The following ATG14 variants were observed in gnomAD, a reference collection of about 807,000 sequenced individuals.
The protein encoded by ATG14 is autophagy related 14.
ATG14 carries 35 observed loss-of-function variants against 60.4 expected under a neutral mutation model. The observed-to-expected ratio is 0.58, with a 90% CI of 0.44 to 0.77. ATG14 has a LOEUF of 0.77. Ranked by LOEUF, ATG14 falls within the 30% of genes least tolerant of loss-of-function variation. ATG14 has a pLI of 0.00. For missense variants in ATG14, 647 were observed against 626.3 expected (o/e 1.03, Z -0.35); for synonymous variants, 234 against 228.8 (o/e 1.02, Z -0.21).
rs899017311 is a variant in ATG14 at position 55,385,825 on chromosome 14, C to T, written c.647+34G>A. 3.3e-6 allele frequency: 5 copies of T among 1,518,882 alleles called. No individual in the cohort carries two copies. In the African/African-American group the frequency reaches 7.0e-5, roughly 21 times the overall value. The allele number at this position is 1,518,882 out of a possible 1,614,324, so 94.1% of individuals were successfully genotyped here. ...CTTTAAAAAGTATTTGGAACTTGATCTATTCCTGGAGTCAAAAGACTTGCT... is the reference window on the plus strand; with the variant it reads ...CTTTAAAAAGTATTTGGAACTTGATTTATTCCTGGAGTCAAAAGACTTGCT... On this transcript the variant is annotated intron_variant, in intron 5 of 9. Transcript: ENST00000247178.
intron 7 of ATG14, among the ~76,000 whole-genome samples, 198 bp from the exon 8 acceptor site, chr14:55,378,272 C>T (rs861717): frequency 1.3e-5 from 2 of 152,212 alleles, no homozygotes; most frequent in Admixed American, 1.3e-4. Flanking sequence ...ATTACAAATG[C>T]ACATACCCTT....
At position 55,385,544 on chromosome 14, in the gene ATG14, C is replaced by T. The variant is rs537879381; in HGVS notation, c.647+315G>A. Among the ~76,000 whole-genome samples, 12 of 152,290 alleles carry T rather than the reference C, an allele frequency of 7.9e-5. No individual in the cohort carries two copies. The East Asian group carries it at 2.1e-3, about 27-fold the overall frequency. The stretch of plus-strand genomic sequence containing the variant: ...CTGACCTCAGGTGATTCGCCTGCCT[C>T]GGCCTCCCAAAGTGCTGGGATTATA... On this transcript the variant is annotated intron_variant, in intron 5 of 9. Coordinates refer to ENST00000247178, the MANE Select transcript of ATG14 (RefSeq NM_014924.5).
intron 9 of ATG14, among the ~76,000 whole-genome samples, chr14:55,375,457 G>A (rs1884899559): frequency 6.6e-6 from 1 of 150,734 alleles, no homozygotes; most frequent in Non-Finnish European, 1.5e-5. Flanking sequence ...ACAGCAGCTG[G>A]GACTACAGGC....
chr14:55,382,495 A>AT lies in ATG14; in HGVS notation c.648-305dup, dbSNP rs912929290. On this transcript the variant is annotated intron_variant, in intron 5 of 9. Transcript: ENST00000247178. The stretch of plus-strand genomic sequence containing the variant: ...CCACCACACCTGGTTAACTTAAAAA[A>AT]TTTTTTTTTGTAGAGATGGGGTCTC... Among the ~76,000 whole-genome samples, 6 of 151,332 alleles carry AT rather than the reference A, an allele frequency of 4.0e-5. No individual in the cohort carries two copies. In the East Asian group the frequency reaches 7.8e-4, roughly 20 times the overall value.
intron 5 of ATG14, among the ~76,000 whole-genome samples, chr14:55,383,691 C>T (rs1885075320): frequency 6.6e-6 from 1 of 151,824 alleles, no homozygotes. Context: ...ACTGCTTGAG[C>T]TCACGAATGG....
At position 55,369,377 on chromosome 14, in the gene ATG14, AC is replaced by A. The variant is rs1884758988; in HGVS notation, c.*241del. The A allele has an allele frequency of 3.0e-6, 1 of 335,766 alleles. No homozygotes were observed. Among genetic ancestry groups the A allele is most frequent in the African/African-American group, 2.1e-5 (1 of 47,640 alleles). 20.8% of individuals were successfully genotyped at this position (335,766 alleles called of 1,614,324 possible). ...ACGCACAGGTCCTCCTTCCACCAGC[AC>A]TGGTCTGGGTAGAAAGACCTTCGAC... On this transcript the variant is annotated 3_prime_UTR_variant, in exon 10 of 10. Transcript: ENST00000247178.
At chr14:55,383,027 G>A (rs978397069) in intron 5 of ATG14, among the ~76,000 whole-genome samples, 5 of 152,130 alleles carry the variant, frequency 3.3e-5, no homozygotes, top group African/African-American at 4.8e-5. Flanking sequence ...AAGTCTTTCT[G>A]TTGTTCTTTC....
At position 55,367,038 on chromosome 14, in the gene ATG14, T is replaced by C. The variant is rs1296347847; in HGVS notation, c.*2581A>G. 1.3e-5 allele frequency: 2 copies of C among 152,656 alleles called. No individual in the cohort carries two copies. The highest frequency in any genetic ancestry group is 4.8e-5 in the African/African-American group (2 of 41,464). 9.5% of individuals were successfully genotyped at this position (152,656 alleles called of 1,614,324 possible). On this transcript the variant is annotated 3_prime_UTR_variant, in exon 10 of 10. Transcript: ENST00000247178. The stretch of plus-strand genomic sequence containing the variant: ...CCCTATGTAAAGTGCCTCTAGTTGA[T>C]ATTAACAACAACAAACAAAATATAT...
In ATG14 at chr14:55,402,748, G is replaced by A. The variant is rs1885417278; in HGVS notation, c.222-5314C>T. ...ATATATCCCACTGTCAGGAATAAAGGTTAAAAATCATTTACAGAAATTAGA... is the reference window on the plus strand; with the variant it reads ...ATATATCCCACTGTCAGGAATAAAGATTAAAAATCATTTACAGAAATTAGA... On this transcript the variant is annotated intron_variant, in intron 1 of 9. Transcript: ENST00000247178. Among the ~76,000 whole-genome samples, 3 of 149,472 alleles carry A rather than the reference G, an allele frequency of 2.0e-5. No homozygotes were observed. The Admixed American group carries it at 2.0e-4, about 10-fold the overall frequency.
intron 1 of ATG14, among the ~76,000 whole-genome samples, chr14:55,406,519 G>A (rs1055548450): frequency 2.0e-5 from 3 of 152,144 alleles, no homozygotes. Flanking sequence ...AGAGTTCAAG[G>A]CCTATTGACA....
At position 55,367,317 on chromosome 14, in the gene ATG14, CGTTAA is replaced by C. The variant is rs1415832190; in HGVS notation, c.*2297_*2301del. 1 of 152,282 alleles carries C rather than the reference CGTTAA, an allele frequency of 6.6e-6. No homozygotes were observed. Among genetic ancestry groups the C allele is most frequent in the East Asian group, 1.9e-4 (1 of 5,186 alleles). 9.4% of individuals were successfully genotyped at this position (152,282 alleles called of 1,614,324 possible). A position where few individuals can be genotyped will look rare whatever the true frequency, so the allele number is the denominator to read the frequency against. ...AGTAGCTAGACAACTCTTACAAGAT[CGTTAA>C]GTTTATTTATCTGTTCAAGTCTACC... On this transcript the variant is annotated 3_prime_UTR_variant, in exon 10 of 10. Transcript: ENST00000247178.
rs373016077 is a variant in ATG14 at position 55,385,918 on chromosome 14, G to T, written c.588C>A (p.Ser196=). The stretch of plus-strand genomic sequence containing the variant: ...TGACAGAGGTGAGCTCTAATATATG[G>T]GATCGTCGAAGATTTGCCAGACGCT... ...HYERLANLRR[S]HILELTSVIF... is the part of the protein sequence containing the mutation. Residue 196 remains serine (S), a synonymous_variant, in exon 5 of 10, where the codon TCC becomes TCA. Coordinates refer to ENST00000247178, the MANE Select transcript of ATG14 (RefSeq NM_014924.5). 1 of 1,613,920 alleles carries T rather than the reference G, an allele frequency of 6.2e-7. No homozygotes were observed. Among genetic ancestry groups the T allele is most frequent in the African/African-American group, 1.3e-5 (1 of 74,880 alleles).
rs115165053 is a variant in ATG14 at position 55,406,877 on chromosome 14, T to C, written c.221+4725A>G. ...AATGGTTATTTGCTTTATATTTTTC[T>C]GCTTGGTCAGGAAAAGAAATCTACC... is the stretch of plus-strand genomic sequence containing the variant. On this transcript the variant is annotated intron_variant, in intron 1 of 9. Coordinates refer to ENST00000247178, the MANE Select transcript of ATG14 (RefSeq NM_014924.5). Among the ~76,000 whole-genome samples, 1,374 of 152,304 alleles carry C rather than the reference T, an allele frequency of 9.0e-3. 29 individuals carry two copies. Among genetic ancestry groups the C allele is most frequent in the African/African-American group, 0.031 (1,305 of 41,564 alleles).
Position 55,397,359 on chromosome 14 carries a change from A to G in ATG14, c.284+13T>C, listed in dbSNP as rs1348892789. The G allele has an allele frequency of 1.9e-6, 3 of 1,610,770 alleles. No homozygotes were observed. In the African/African-American group the frequency reaches 4.0e-5, roughly 22 times the overall value. ...TCACCTCCACAAATTAAAAGACAAA[A>G]CAAAACACTCACTCTTTCTGAAATT... is the stretch of plus-strand genomic sequence containing the variant. On this transcript the variant is annotated intron_variant, in intron 2 of 9. Transcript: ENST00000247178.
rs187960054 is a variant in ATG14 at position 55,397,390 on chromosome 14, T to C, written c.266A>G (p.Gln89Arg). Residue 89 changes from glutamine (Q) to arginine (R), a missense_variant, in exon 2 of 10, where the codon CAA becomes CGA. Coordinates refer to ENST00000247178, the MANE Select transcript of ATG14 (RefSeq NM_014924.5). ...KERLSRLKSK[Q>R]EEFQKEVLKA... ...CACTCACTCTTTCTGAAATTCTTCTTGCTTGCTCTTAAGTCGGCTTAACCT... is the reference window on the plus strand; with the variant it reads ...CACTCACTCTTTCTGAAATTCTTCTCGCTTGCTCTTAAGTCGGCTTAACCT... The C allele has an allele frequency of 8.1e-6, 13 of 1,613,644 alleles. No homozygotes were observed. The highest frequency in any genetic ancestry group is 1.3e-5 in the African/African-American group (1 of 75,064).
intron 3 of ATG14, chr14:55,395,278 T>A (rs1327190675): frequency 6.1e-6 from 2 of 326,512 alleles, no homozygotes; most frequent in Middle Eastern, 9.8e-4. Flanking sequence ...CGAGGCATAG[T>A]GCATCTAGAG....
intron 3 of ATG14, chr14:55,395,197 T>C (rs1312687268): frequency 1.2e-5 from 5 of 417,438 alleles, no homozygotes; most frequent in Non-Finnish European, 9.8e-6. Flanking sequence ...TCTTCCTCTG[T>C]GGCCCATTCA....
At chr14:55,398,804 T>C (rs1218121130) in intron 1 of ATG14, among the ~76,000 whole-genome samples, 1 of 151,902 alleles carries the variant, frequency 6.6e-6, no homozygotes, top group Non-Finnish European at 1.5e-5. Context: ...CAGCCACACA[T>C]GGCTACTGAG....
At chr14:55,386,333 G>A (rs1008792045) in intron 4 of ATG14, among the ~76,000 whole-genome samples, 9 of 152,204 alleles carry the variant, frequency 5.9e-5, no homozygotes, top group Admixed American at 5.2e-4. Context: ...ATCATCACTA[G>A]TAAAAGGAGT....
Sources: gnomAD v4.1 joint callset for allele counts (sites outside exome capture counted in the v4.1 genomes callset) on GRCh38, gnomAD v4.1.1 for gene constraint, MANE v1.5 for transcripts, NCBI Gene and HGNC (gene_info 2026-07-23, HGNC 2026-07-21) for gene names.